LYG1: variants seen among roughly 807,000 people sequenced by gnomAD.
The protein encoded by LYG1 is lysozyme g-like protein 1.
Under a neutral mutation model 21.7 loss-of-function variants are expected in LYG1, and 17 were observed. That is an observed-to-expected ratio of 0.78 (90% CI 0.54 to 1.18). The LOEUF is 1.18. LYG1 is among the 50% of genes most tolerant of loss of function. The pLI is 0.00. For synonymous variants in LYG1, 81 were observed against 87.4 expected (o/e 0.93, Z 0.41); for missense variants, 211 against 238.1 (o/e 0.89, Z 0.75).
chr2:99,294,620 C>CCCTAG (rs200772480), intron 3 of LYG1, among the ~76,000 whole-genome samples: 1,647 of 152,256 alleles, frequency 0.011, 8 homozygotes, highest in Middle Eastern at 0.024. Context: ...GTGGACCTCT[C>CCCTAG]CCTAGCCACA....
chr2:99,291,505 C>G, intron 4 of LYG1, 84 bp from the exon 5 acceptor site: 1 of 1,430,726 alleles, frequency 7.0e-7, no homozygotes, highest in African/African-American at 1.4e-5. Context: ...AAGAACAATC[C>G]AAGGATCTGA....
chr2:99,300,615 T>C (rs2094151331), intron 1 of LYG1, among the ~76,000 whole-genome samples: 1 of 152,022 alleles, frequency 6.6e-6, no homozygotes, highest in Non-Finnish European at 1.5e-5. Context: ...TATGGGTTAA[T>C]GTAGCATTGG....
At chr2:99,291,493 G>C in intron 4 of LYG1, 72 bp from the exon 5 acceptor site, 3 of 1,486,148 alleles carry the variant, frequency 2.0e-6, no homozygotes, top group Non-Finnish European at 2.8e-6. Context: ...AGGGGAGAGA[G>C]AAAGAACAAT....
intron 1 of LYG1, among the ~76,000 whole-genome samples, chr2:99,300,714 C>T (rs1245381894): frequency 6.2e-5 from 9 of 144,772 alleles, no homozygotes; most frequent in Non-Finnish European, 9.0e-5. Context: ...ACAAATATGA[C>T]GTCGCATTTG....
chr2:99,299,284 CTTT>C (rs759326268), intron 1 of LYG1, among the ~76,000 whole-genome samples: 4 of 124,620 alleles, frequency 3.2e-5, no homozygotes, highest in Admixed American at 8.2e-5. Flanking sequence ...TTCTTTTTTT[CTTT>C]TTTTTTTTTT....
intron 2 of LYG1, 88 bp downstream of exon 2, chr2:99,298,371 G>A (rs1029515165): frequency 2.6e-5 from 4 of 152,216 alleles, no homozygotes; most frequent in African/African-American, 9.7e-5. Flanking sequence ...AGGCCTGCCA[G>A]GCACACTGGA....
At chr2:99,296,508 C>G (rs1250575193) in intron 2 of LYG1, among the ~76,000 whole-genome samples, 2 of 152,126 alleles carry the variant, frequency 1.3e-5, no homozygotes, top group Non-Finnish European at 2.9e-5. Context: ...TCCATGAGTA[C>G]AAACAGCCCT....
At chr2:99,290,074 T>G (rs756499665) in intron 5 of LYG1, among the ~76,000 whole-genome samples, 4 of 152,232 alleles carry the variant, frequency 2.6e-5, no homozygotes, top group Non-Finnish European at 5.9e-5. Context: ...GCTGGGCTGG[T>G]CTCGCACTCC....
intron 3 of LYG1, 142 bp downstream of exon 3, chr2:99,295,486 G>A: frequency 2.0e-6 from 2 of 1,013,718 alleles, no homozygotes; most frequent in Non-Finnish European, 3.1e-6. Flanking sequence ...GTTGGTGGCT[G>A]TTCCTAACTC....
upstream of LYG1, among the ~76,000 whole-genome samples, chr2:99,302,917 C>T (rs910234906): frequency 6.6e-6 from 1 of 151,504 alleles, no homozygotes; most frequent in African/African-American, 2.4e-5. Flanking sequence ...ACTCGGGAGG[C>T]TGAGGCAGGA....
chr2:99,301,996 G>A (rs1379777699), upstream of LYG1, among the ~76,000 whole-genome samples: 2 of 152,154 alleles, frequency 1.3e-5, no homozygotes, highest in African/African-American at 2.4e-5. Flanking sequence ...GAAAGAGGGA[G>A]CCCCCTCCCT....
chr2:99,289,391 G>A lies in LYG1; in HGVS notation c.333+1846C>T, dbSNP rs1438065817. On this transcript the variant is annotated intron_variant, in intron 5 of 6. Transcript: ENST00000308528. ...GGATCGTGTGAGCCCAGGAGGCAGA[G>A]GTTGCAGTGAGCTAAGATCATACCA... 2.0e-5 allele frequency among the ~76,000 whole-genome samples: 3 copies of A among 151,994 alleles called. No homozygotes were observed. The South Asian group carries it at 6.2e-4, about 32-fold the overall frequency.
At chr2:99,295,836 A>G in intron 2 of LYG1, 134 bp from the exon 3 acceptor site, 1 of 862,638 alleles carries the variant, frequency 1.2e-6, no homozygotes, top group Non-Finnish European at 1.8e-6. Context: ...AATTATTTGA[A>G]TCATAGTGAA....
chr2:99,288,383 A>C (rs2094107880), intron 5 of LYG1, among the ~76,000 whole-genome samples: 1 of 152,144 alleles, frequency 6.6e-6, no homozygotes, highest in African/African-American at 2.4e-5. Flanking sequence ...TTCTCACATA[A>C]ACCATGTAAA....
At chr2:99,299,288 T>C (rs1251349591) in intron 1 of LYG1, among the ~76,000 whole-genome samples, 1 of 149,854 alleles carries the variant, frequency 6.7e-6, no homozygotes, top group African/African-American at 2.4e-5. Context: ...TTTTTTCTTT[T>C]TTTTTTTTTT....
chr2:99,291,542 G>A (rs2094118436), intron 4 of LYG1, 121 bp from the exon 5 acceptor site: 1 of 1,158,088 alleles, frequency 8.6e-7, no homozygotes, highest in Non-Finnish European at 1.2e-6. Flanking sequence ...GACAATCCCA[G>A]ATTTTGGTCT....
chr2:99,297,216 C>T lies in LYG1; in HGVS notation c.-33+1243G>A, dbSNP rs149357313. 6.1e-3 allele frequency among the ~76,000 whole-genome samples: 934 copies of T among 152,254 alleles called. 6 individuals are homozygous for T. Among genetic ancestry groups the T allele is most frequent in the Non-Finnish European group, 0.011 (744 of 68,022 alleles). On this transcript the variant is annotated intron_variant, in intron 2 of 6. Coordinates refer to ENST00000308528, the MANE Select transcript of LYG1 (RefSeq NM_174898.3). Reference sequence around the variant, plus strand: ...GGACCTGGAATCTTAGCTGGGTCTGCAGGAACGCTCAGATTTAATCACCCA... The same window carrying T: ...GGACCTGGAATCTTAGCTGGGTCTGTAGGAACGCTCAGATTTAATCACCCA...
chr2:99,294,798 T>C (rs2105298089), intron 3 of LYG1, among the ~76,000 whole-genome samples: 1 of 152,294 alleles, frequency 6.6e-6, no homozygotes, highest in Non-Finnish European at 1.5e-5. Flanking sequence ...CTGAGGAACT[T>C]TGCTTCCTCC....
upstream of LYG1, among the ~76,000 whole-genome samples, chr2:99,302,202 G>A (rs1410200819): frequency 6.6e-6 from 1 of 152,120 alleles, no homozygotes; most frequent in Non-Finnish European, 1.5e-5. Context: ...AGTAAAACAC[G>A]TGGAATCAAT....
Sources: gnomAD v4.1 joint callset for allele counts (sites outside exome capture counted in the v4.1 genomes callset) on GRCh38, gnomAD v4.1.1 for gene constraint, MANE v1.5 for transcripts, NCBI Gene and HGNC (gene_info 2026-07-23, HGNC 2026-07-21) for gene names.